The following CUBN variants were observed in gnomAD, a reference collection of about 807,000 sequenced individuals.
The protein encoded by CUBN is 460 kDa receptor.
A neutral mutation model predicts 405.3 loss-of-function variants in CUBN; 282 were observed. The observed-to-expected ratio is 0.70, with a 90% confidence interval of 0.63 to 0.77. The LOEUF (loss-of-function observed/expected upper bound fraction) is 0.77, where lower values mean the gene tolerates loss of function less well. Ranked by LOEUF, CUBN falls within the 30% of genes least tolerant of loss-of-function variation. The pLI is 0.00. For synonymous variants in CUBN, 1,684 were observed against 1,617.0 expected (o/e 1.04, Z -0.99); for missense variants, 4,514 against 4,475.2 (o/e 1.01, Z -0.25).
intron 27 of CUBN, among the ~76,000 whole-genome samples, chr10:17,039,154 C>A (rs11254339): frequency 3.3e-5 from 5 of 151,966 alleles, no homozygotes; most frequent in Non-Finnish European, 7.4e-5. Context: ...TTCTCCATTA[C>A]GCTTTACCAA....
intron 36 of CUBN, among the ~76,000 whole-genome samples, chr10:16,941,548 T>A (rs1055225607): frequency 2.6e-4 from 40 of 152,170 alleles, no homozygotes; most frequent in African/African-American, 8.9e-4. Context: ...AAGACATGAA[T>A]AAGAAAATGA....
intron 58 of CUBN, among the ~76,000 whole-genome samples, chr10:16,870,429 C>T (rs1017910929): frequency 6.6e-6 from 1 of 152,192 alleles, no homozygotes; most frequent in Non-Finnish European, 1.5e-5. Flanking sequence ...GTGGTGGTCA[C>T]TGACACTTCT....
chr10:17,067,740 G>T (rs909291889), intron 21 of CUBN, among the ~76,000 whole-genome samples: 4 of 152,142 alleles, frequency 2.6e-5, no homozygotes, highest in Admixed American at 1.3e-4. Context: ...CGAATCTACA[G>T]AGATAGAAAG....
At chr10:17,029,194 G>A (rs1055375244) in intron 27 of CUBN, among the ~76,000 whole-genome samples, 6 of 152,234 alleles carry the variant, frequency 3.9e-5, no homozygotes, top group Non-Finnish European at 7.3e-5. Context: ...GAATCTGAGA[G>A]CAGAGGCTCT....
At chr10:16,940,392 C>T (rs1276031098) in intron 36 of CUBN, among the ~76,000 whole-genome samples, 155 bp from the exon 37 acceptor site, 2 of 152,198 alleles carry the variant, frequency 1.3e-5, no homozygotes, top group Non-Finnish European at 2.9e-5. Context: ...ATTTCTTTCA[C>T]TCGGACTTGT....
At chr10:16,917,292 G>T (rs1841909871) in intron 45 of CUBN, among the ~76,000 whole-genome samples, 9 of 151,932 alleles carry the variant, frequency 5.9e-5, no homozygotes, top group Admixed American at 5.9e-4. Context: ...TTTCCTTGGG[G>T]GATACATTCC....
At chr10:16,853,498 A>G (rs1169855234) in intron 59 of CUBN, among the ~76,000 whole-genome samples, 1 of 152,238 alleles carries the variant, frequency 6.6e-6, no homozygotes, top group Non-Finnish European at 1.5e-5. Context: ...ATGGATAGAT[A>G]GCAAACGTGC....
rs1316691599 is a variant in CUBN, at chr10:17,085,619, A to G, written c.2088T>C (p.His696=). The G allele has an allele frequency of 6.2e-6, 10 of 1,614,052 alleles. No homozygotes were observed. Among genetic ancestry groups the G allele is most frequent in the Non-Finnish European group, 7.6e-6 (9 of 1,180,018 alleles). ...SDSQISDQGF[H]ITYLTSPSDL... ...TACAAGGTGATGTTAAGTAGGTGAT[A>G]TGGAAGCCTTGGTCACTAATCTGGG... The change falls in exon 16 of 67, where the codon CAT becomes CAC. Residue 696 remains histidine, a synonymous_variant. Coordinates refer to ENST00000377833, the MANE Select transcript of CUBN (RefSeq NM_001081.4).
intron 22 of CUBN, among the ~76,000 whole-genome samples, chr10:17,055,828 AG>A (rs1835381168): frequency 6.6e-6 from 1 of 152,130 alleles, no homozygotes; most frequent in South Asian, 2.1e-4. Context: ...GCTGAATTTA[AG>A]ATGACCTTTA....
chr10:17,097,147 G>C (rs929838360), intron 14 of CUBN, among the ~76,000 whole-genome samples: 1 of 152,024 alleles, frequency 6.6e-6, no homozygotes, highest in Non-Finnish European at 1.5e-5. Flanking sequence ...CATTAACGGA[G>C]CCAATAGTTG....
At chr10:17,018,209 C>T (rs1834391401) in intron 28 of CUBN, among the ~76,000 whole-genome samples, 1 of 152,088 alleles carries the variant, frequency 6.6e-6, no homozygotes, top group Non-Finnish European at 1.5e-5. Flanking sequence ...TATATAGCCC[C>T]CAAATTCTAA....
intron 27 of CUBN, among the ~76,000 whole-genome samples, chr10:17,024,798 GC>G (rs1332295180): frequency 6.6e-6 from 1 of 152,100 alleles, no homozygotes; most frequent in African/African-American, 2.4e-5. Flanking sequence ...GAGCCACCAT[GC>G]CCAGCCCCAA....
At chr10:17,086,625 T>C (rs1189385403) in intron 15 of CUBN, among the ~76,000 whole-genome samples, 2 of 152,354 alleles carry the variant, frequency 1.3e-5, no homozygotes, top group East Asian at 1.9e-4. Context: ...GATGTAATCA[T>C]GTCAATCTCT....
chr10:17,023,588 T>C, intron 27 of CUBN: 1 of 455,974 alleles, frequency 2.2e-6, no homozygotes. Context: ...ATTCTGATTC[T>C]GTTTTCAGAG....
chr10:16,852,520 C>T (rs1263175729), intron 59 of CUBN, among the ~76,000 whole-genome samples: 1 of 144,294 alleles, frequency 6.9e-6, no homozygotes, highest in African/African-American at 2.5e-5. Context: ...TCTTTCCCTT[C>T]CTCACTCTAT....
At chr10:16,935,150 T>C (rs1304255011) in intron 39 of CUBN, among the ~76,000 whole-genome samples, 3 of 152,152 alleles carry the variant, frequency 2.0e-5, no homozygotes, top group Non-Finnish European at 4.4e-5. Flanking sequence ...CCAATCTCTT[T>C]TATTTATTAT....
chr10:16,952,357 C>G lies in CUBN; in HGVS notation c.4888G>C (p.Asp1630His). The G allele has an allele frequency of 6.2e-7, 1 of 1,613,858 alleles. No homozygotes were observed. Among genetic ancestry groups the G allele is most frequent in the South Asian group, 1.1e-5 (1 of 91,048 alleles). ...CGGHILTSSF[D>H]TVSSPRFPAN... ...GGGAACCGTGGAGAGGAAACAGTAT[C>G]AAATGAGCTGGTGAGGATGTGGCCT... The change falls in exon 33 of 67, where the codon GAT becomes CAT. Residue 1630 changes from aspartate to histidine, a missense_variant. Transcript: ENST00000377833.
At chr10:16,993,077 G>A (rs1461827907) in intron 28 of CUBN, among the ~76,000 whole-genome samples, 1 of 152,146 alleles carries the variant, frequency 6.6e-6, no homozygotes, top group African/African-American at 2.4e-5. Context: ...GTGTTAAGAT[G>A]TACCACCTTT....
At chr10:16,862,193 C>CACACACACAT in intron 59 of CUBN, among the ~76,000 whole-genome samples, 1 of 151,148 alleles carries the variant, frequency 6.6e-6, no homozygotes, top group African/African-American at 2.4e-5. Context: ...CACACACACA[C>CACACACACAT]ATCACATCCC....
Sources: gnomAD v4.1 joint callset for allele counts (sites outside exome capture counted in the v4.1 genomes callset) on GRCh38, gnomAD v4.1.1 for gene constraint, MANE v1.5 for transcripts, NCBI Gene and HGNC (gene_info 2026-07-23, HGNC 2026-07-21) for gene names.